The following GALNT1 variants were observed in gnomAD, a reference collection of about 807,000 sequenced individuals.
The protein encoded by GALNT1 is polypeptide N-acetylgalactosaminyltransferase 1, also known as GalNAc transferase 1.
GALNT1 carries 17 observed loss-of-function variants against 65.7 expected under a neutral mutation model. The observed-to-expected ratio is 0.26, with a 90% CI of 0.18 to 0.39. GALNT1 has a LOEUF of 0.39. Ranked by LOEUF, GALNT1 falls within the 10% of genes least tolerant of loss-of-function variation. The pLI is 1.00. For synonymous variants in GALNT1, 210 were observed against 219.7 expected, an observed-to-expected ratio of 0.96 and a Z score of 0.39; for missense variants, 460 against 672.8, an observed-to-expected ratio of 0.68 and a Z score of 3.50.
chr18:35,689,270 A>T lies in GALNT1; in HGVS notation c.958A>T (p.Asn320Tyr), dbSNP rs920470976. 1 of 1,603,492 alleles carries T rather than the reference A, an allele frequency of 6.2e-7. No homozygotes were observed. The highest frequency in any genetic ancestry group is 8.5e-7 in the Non-Finnish European group (1 of 1,175,248). The change falls in exon 7 of 12, where the codon AAC (asparagine) becomes TAC (tyrosine). Residue 320 changes from asparagine to tyrosine, a missense_variant. Physicochemically the swap from Asn to Tyr is moderately radical, Grantham distance 143. Coordinates refer to ENST00000269195, the MANE Select transcript of GALNT1 (RefSeq NM_020474.4). The stretch of plus-strand genomic sequence containing the variant: ...TGGAATGGATATTTGGGGAGGAGAA[A>T]ACCTAGAAATTTCCTTTAGGGTAAG... ...DAGMDIWGGE[N>Y]LEISFRIWQC... is the part of the protein sequence containing the mutation.
chr18:35,698,622 T>C (rs1217844706), intron 9 of GALNT1, among the ~76,000 whole-genome samples: 1 of 152,152 alleles, frequency 6.6e-6, no homozygotes, highest in Non-Finnish European at 1.5e-5. Context: ...AATATAGACA[T>C]TTCCATCATC....
chr18:35,617,823 A>G (rs1156264963), intron 1 of GALNT1, among the ~76,000 whole-genome samples: 1 of 152,182 alleles, frequency 6.6e-6, no homozygotes, highest in East Asian at 1.9e-4. Context: ...TGTAGATTCA[A>G]AACTCAAAAC....
intron 3 of GALNT1, among the ~76,000 whole-genome samples, chr18:35,674,101 A>G (rs567195638): frequency 1.3e-5 from 2 of 152,208 alleles, no homozygotes; most frequent in African/African-American, 4.8e-5. Flanking sequence ...GAAAAATTGT[A>G]CACCTGTATA....
chr18:35,616,030 T>A (rs564600551), intron 1 of GALNT1, among the ~76,000 whole-genome samples: 2 of 152,292 alleles, frequency 1.3e-5, no homozygotes, highest in South Asian at 4.1e-4. Flanking sequence ...TGCATTCCCA[T>A]AAAATTTTAT....
chr18:35,656,510 T>C (rs978384195), intron 2 of GALNT1, among the ~76,000 whole-genome samples: 1 of 152,220 alleles, frequency 6.6e-6, no homozygotes, highest in African/African-American at 2.4e-5. Context: ...CAGCTTAGTA[T>C]CAGCTTGAGC....
At chr18:35,582,614 G>A (rs2046336127) in intron 1 of GALNT1, among the ~76,000 whole-genome samples, 1 of 152,162 alleles carries the variant, frequency 6.6e-6, no homozygotes. Flanking sequence ...TGGGCAATAG[G>A]CAAAGTAGTC....
chr18:35,628,434 G>A (rs1045815066), intron 1 of GALNT1, among the ~76,000 whole-genome samples: 4 of 152,156 alleles, frequency 2.6e-5, no homozygotes, highest in Non-Finnish European at 4.4e-5. Context: ...TGCAGCCTCC[G>A]CTGCTGATAC....
intron 1 of GALNT1, among the ~76,000 whole-genome samples, chr18:35,623,359 T>A (rs2046879963): frequency 6.6e-6 from 1 of 152,182 alleles, no homozygotes; most frequent in South Asian, 2.1e-4. Context: ...TCTTTCTTTA[T>A]CTTTGGTTTT....
At chr18:35,676,499 C>A (rs150835929) in intron 3 of GALNT1, among the ~76,000 whole-genome samples, 2 of 152,090 alleles carry the variant, frequency 1.3e-5, no homozygotes, top group African/African-American at 2.4e-5. Flanking sequence ...GTAGAGTGTT[C>A]GATAAGAAGT....
intron 9 of GALNT1, among the ~76,000 whole-genome samples, chr18:35,692,790 C>G (rs2047989784): frequency 6.6e-6 from 1 of 151,902 alleles, no homozygotes; most frequent in African/African-American, 2.4e-5. Context: ...GACAATATTT[C>G]CTTTTATAAG....
Position 35,625,629 on chromosome 18 carries a change from T to C in GALNT1, c.-103-28931T>C, listed in dbSNP as rs114833263. 9.3e-3 allele frequency among the ~76,000 whole-genome samples: 1,422 copies of C among 152,246 alleles called. 22 individuals are homozygous for C. The highest frequency in any genetic ancestry group is 0.033 in the African/African-American group (1,355 of 41,538). On this transcript the variant is annotated intron_variant, in intron 1 of 11. Coordinates refer to ENST00000269195, the MANE Select transcript of GALNT1 (RefSeq NM_020474.4). ...GAATGATAATTGGAGAGGTTGGTGT[T>C]GTAGCAAAAACATGTAGAAAATCTT...
At chr18:35,620,176 C>T (rs192709149) in intron 1 of GALNT1, among the ~76,000 whole-genome samples, 6 of 152,264 alleles carry the variant, frequency 3.9e-5, no homozygotes, top group East Asian at 1.9e-4. Flanking sequence ...CTTTCCTTCT[C>T]AGGGTTATCT....
chr18:35,637,167 A>T (rs1245263763), intron 1 of GALNT1, among the ~76,000 whole-genome samples: 1 of 152,152 alleles, frequency 6.6e-6, no homozygotes, highest in Admixed American at 6.5e-5. Context: ...AAGCAACAGT[A>T]TTGAAAGGAT....
chr18:35,628,311 AC>A (rs1438775294), intron 1 of GALNT1, among the ~76,000 whole-genome samples: 2 of 151,928 alleles, frequency 1.3e-5, no homozygotes, highest in Non-Finnish European at 2.9e-5. Context: ...ACTGGGAGGC[AC>A]CCCCCAGTAG....
intron 5 of GALNT1, among the ~76,000 whole-genome samples, chr18:35,686,237 T>C (rs1024645340): frequency 6.6e-6 from 1 of 152,126 alleles, no homozygotes; most frequent in Non-Finnish European, 1.5e-5. Context: ...GAGAGAGAAA[T>C]GGATAGGAAA....
At chr18:35,644,666 T>G (rs7232058) in intron 1 of GALNT1, among the ~76,000 whole-genome samples, 15,465 of 152,180 alleles carry the variant, frequency 0.1, 1,007 homozygotes, top group African/African-American at 0.19. Context: ...TTGTTTTGGG[T>G]TACCATATGG....
At chr18:35,619,286 T>G (rs8084180) in intron 1 of GALNT1, among the ~76,000 whole-genome samples, 34,484 of 152,142 alleles carry the variant, frequency 0.23, 4,429 homozygotes, top group African/African-American at 0.34. Flanking sequence ...TTTTTATTTG[T>G]TCTGTTGAGC....
chr18:35,621,656 T>G (rs960524200), intron 1 of GALNT1, among the ~76,000 whole-genome samples: 11 of 152,232 alleles, frequency 7.2e-5, no homozygotes, highest in Non-Finnish European at 1.0e-4. Flanking sequence ...TTATTCATTC[T>G]TTTGTGGTTT....
chr18:35,679,567 C>T (rs1445927916), intron 4 of GALNT1, among the ~76,000 whole-genome samples: 2 of 152,132 alleles, frequency 1.3e-5, no homozygotes, highest in Non-Finnish European at 2.9e-5. Flanking sequence ...CCTCACTGCT[C>T]CACCTGAGGC....
Sources: allele counts gnomAD v4.1 joint callset (sites outside exome capture counted in the v4.1 genomes callset), GRCh38; gene constraint gnomAD v4.1.1; transcripts MANE v1.5; gene names NCBI Gene and HGNC (gene_info 2026-07-23, HGNC 2026-07-21).